Variants in SLC10A7 observed in about 807,000 individuals in gnomAD.
The protein encoded by SLC10A7 is solute carrier family 10 member 7, also known as sodium/bile acid cotransporter 7.
In SLC10A7, 29 loss-of-function variants were observed where a neutral mutation model predicts 43.2. The observed-to-expected ratio is 0.67, with a 90% CI of 0.50 to 0.92. SLC10A7 has a LOEUF of 0.92. SLC10A7 is among the 40% of genes least tolerant of loss of function. SLC10A7 has a pLI of 0.00. For synonymous variants in SLC10A7, 152 were observed against 144.8 expected, an observed-to-expected ratio of 1.05 and a Z score of -0.35; for missense variants, 295 against 403.2, an observed-to-expected ratio of 0.73 and a Z score of 2.30.
chr4:146,432,920 C>T (rs1729888661), intron 5 of SLC10A7, among the ~76,000 whole-genome samples: 1 of 151,534 alleles, frequency 6.6e-6, no homozygotes, highest in Non-Finnish European at 1.5e-5. Flanking sequence ...CGCCTGTAGT[C>T]CCAGCTACTC....
chr4:146,406,462 C>T (rs1240580660), intron 5 of SLC10A7, among the ~76,000 whole-genome samples: 2 of 152,172 alleles, frequency 1.3e-5, no homozygotes, highest in Non-Finnish European at 2.9e-5. Flanking sequence ...ACTGACAGTT[C>T]CATGTCCTCA....
chr4:146,434,961 A>C (rs1730097042), intron 5 of SLC10A7, among the ~76,000 whole-genome samples: 1 of 152,114 alleles, frequency 6.6e-6, no homozygotes, highest in Admixed American at 6.5e-5. Flanking sequence ...ACACTAGGAA[A>C]AACAGCATTT....
Position 146,521,708 on chromosome 4 carries a change from G to A in SLC10A7, c.10C>T (p.Leu4=), listed in dbSNP as rs1738699444. The change falls in exon 1 of 12, where the codon CTG becomes TTG. Residue 4 remains leucine (L), a synonymous_variant. Coordinates refer to ENST00000335472, the MANE Select transcript of SLC10A7 (RefSeq NM_001029998.6). The part of the protein sequence containing the change: MRL[L]ERMRKDWFMV... The stretch of plus-strand genomic sequence containing the variant: ...AACCAGTCTTTCCTCATTCTCTCCA[G>A]CAGCCTCATATTTGTTAGGGTGGGT... 1.2e-6 allele frequency: 2 copies of A among 1,613,866 alleles called. No individual in the cohort carries two copies. Among genetic ancestry groups the A allele is most frequent in the Non-Finnish European group, 8.5e-7 (1 of 1,179,904 alleles).
chr4:146,321,026 A>C (rs954616109), intron 6 of SLC10A7, among the ~76,000 whole-genome samples: 1 of 152,126 alleles, frequency 6.6e-6, no homozygotes, highest in Non-Finnish European at 1.5e-5. Context: ...CCACCAGCAA[A>C]AATGGCCTTC....
chr4:146,358,979 C>T (rs920232524), intron 5 of SLC10A7, among the ~76,000 whole-genome samples: 3 of 152,110 alleles, frequency 2.0e-5, no homozygotes, highest in Admixed American at 1.3e-4. Flanking sequence ...GAACCATTTA[C>T]CATTCACTCC....
At chr4:146,384,599 C>T (rs1737857914) in intron 5 of SLC10A7, among the ~76,000 whole-genome samples, 1 of 152,008 alleles carries the variant, frequency 6.6e-6, no homozygotes, top group Non-Finnish European at 1.5e-5. Context: ...AAAAAGCACA[C>T]TATGTATATA....
At chr4:146,410,138 T>A (rs1296215411) in intron 5 of SLC10A7, among the ~76,000 whole-genome samples, 1 of 152,148 alleles carries the variant, frequency 6.6e-6, no homozygotes, top group East Asian at 1.9e-4. Flanking sequence ...TTCTCCACTA[T>A]ATAGATGAGA....
rs554574086 is a variant in SLC10A7, at chr4:146,350,091, G to A, written c.436-24095C>T. ...TCCCAGCGTGAGCGACGCAGAAGAC[G>A]GGTGATTTCTGCATTTCCATCTGAG... On this transcript the variant is annotated intron_variant, in intron 5 of 11. Transcript: ENST00000335472. Among the ~76,000 whole-genome samples the A allele has an allele frequency of 1.0e-3, 158 of 151,110 alleles. 2 individuals are homozygous for A. In the South Asian group the frequency reaches 0.013, roughly 12 times the overall value.
chr4:146,356,183 C>A (rs1735613672), intron 5 of SLC10A7, among the ~76,000 whole-genome samples: 1 of 151,526 alleles, frequency 6.6e-6, no homozygotes, highest in South Asian at 2.1e-4. Flanking sequence ...TTTGTAAATT[C>A]AGGGAGAAAC....
chr4:146,476,471 C>T (rs1000306396), intron 4 of SLC10A7, among the ~76,000 whole-genome samples: 3 of 151,944 alleles, frequency 2.0e-5, no homozygotes, highest in African/African-American at 7.3e-5. Flanking sequence ...AGCAAATGCC[C>T]GTTTAAATTG....
At chr4:146,475,774 CGAACTAAAA>C (rs1733972701) in intron 4 of SLC10A7, among the ~76,000 whole-genome samples, 1 of 152,126 alleles carries the variant, frequency 6.6e-6, no homozygotes, top group Non-Finnish European at 1.5e-5. Context: ...CAATCCATCA[CGAACTAAAA>C]AGATTTTAAG....
chr4:146,467,454 A>AACACACACAC (rs35773390), intron 4 of SLC10A7, among the ~76,000 whole-genome samples: 18 of 140,810 alleles, frequency 1.3e-4, no homozygotes, highest in African/African-American at 2.1e-4. Context: ...AGCAGGTTTA[A>AACACACACAC]ACACACACAC....
At chr4:146,420,462 G>A (rs778951590) in intron 5 of SLC10A7, among the ~76,000 whole-genome samples, 3 of 152,064 alleles carry the variant, frequency 2.0e-5, no homozygotes, top group African/African-American at 7.2e-5. Context: ...CTTAAAAAAC[G>A]TACTTATTAG....
chr4:146,285,581 A>G (rs2111131375), intron 9 of SLC10A7, among the ~76,000 whole-genome samples: 1 of 152,314 alleles, frequency 6.6e-6, no homozygotes, highest in South Asian at 2.1e-4. Flanking sequence ...AACACAAGCT[A>G]GGGGATATTG....
At chr4:146,377,904 C>T (rs540318818) in intron 5 of SLC10A7, among the ~76,000 whole-genome samples, 2 of 152,162 alleles carry the variant, frequency 1.3e-5, no homozygotes, top group South Asian at 4.2e-4. Flanking sequence ...GTTTATATGC[C>T]AGTATTGTAA....
At chr4:146,272,383 C>A (rs1728949821) in intron 10 of SLC10A7, among the ~76,000 whole-genome samples, 1 of 152,094 alleles carries the variant, frequency 6.6e-6, no homozygotes, top group South Asian at 2.1e-4. Flanking sequence ...TGTCAAAAAC[C>A]TACTGGGTAC....
At position 146,324,247 on chromosome 4, in the gene SLC10A7, C is replaced by T. The variant is rs534159637; in HGVS notation, c.471+1714G>A. Among the ~76,000 whole-genome samples the T allele has an allele frequency of 1.4e-4, 21 of 152,210 alleles. No individual in the cohort carries two copies. In the East Asian group the frequency reaches 3.9e-3, roughly 28 times the overall value. ...CAATATCGTGAAAATGGCCATATTG[C>T]CCAAGGTAATTTGTAGATTCAATGC... On this transcript the variant is annotated intron_variant, in intron 6 of 11. Transcript: ENST00000335472.
intron 4 of SLC10A7, among the ~76,000 whole-genome samples, chr4:146,491,355 A>G (rs1735397535): frequency 6.6e-6 from 1 of 152,174 alleles, no homozygotes; most frequent in African/African-American, 2.4e-5. Flanking sequence ...CAAGGCCAAA[A>G]AGTTTGTCCA....
At chr4:146,367,752 C>T (rs1475523090) in intron 5 of SLC10A7, among the ~76,000 whole-genome samples, 1 of 152,128 alleles carries the variant, frequency 6.6e-6, no homozygotes, top group Non-Finnish European at 1.5e-5. Flanking sequence ...ATTTGTGCTT[C>T]TGTTTATTCA....
Sources: allele counts gnomAD v4.1 joint callset (sites outside exome capture counted in the v4.1 genomes callset), GRCh38; gene constraint gnomAD v4.1.1; transcripts MANE v1.5; gene names NCBI Gene and HGNC (gene_info 2026-07-23, HGNC 2026-07-21).